DIPK1B: variants seen among roughly 807,000 people sequenced by gnomAD.
DIPK1B encodes divergent protein kinase domain 1B.
In DIPK1B, 17 loss-of-function variants were observed where a neutral mutation model predicts 20.7. The ratio of observed to expected loss-of-function variants is 0.82; its 90% CI spans 0.56 to 1.23. The LOEUF (loss-of-function observed/expected upper bound fraction) is 1.23, where lower values mean the gene tolerates loss of function less well. DIPK1B is among the 50% of genes most tolerant of loss of function. The pLI, the probability that DIPK1B is intolerant of heterozygous loss-of-function variation, is 0.00. For missense variants in DIPK1B, 648 were observed against 601.8 expected, an observed-to-expected ratio of 1.08 and a Z score of -0.80; for synonymous variants, 343 against 276.5, an observed-to-expected ratio of 1.24 and a Z score of -2.39.
In DIPK1B at chr9:136,722,236, T is replaced by C; in HGVS notation, c.418T>C (p.Phe140Leu). ...GGCCCCCCGGCGGGAGCTGGTACTG[T>C]TTGACAAGCCCACCCGGGGCACCTC... ...DAAPRRELVL[F>L]DKPTRGTSIK... is the part of the protein sequence containing the mutation. Residue 140 changes from phenylalanine (F) to leucine (L), a missense_variant, in exon 4 of 5, where the codon TTT becomes CTT. Physicochemically the swap from Phe to Leu is conservative, Grantham distance 22 (BLOSUM62 0). Coordinates refer to ENST00000371692, the MANE Select transcript of DIPK1B (RefSeq NM_152421.4). 1 of 1,613,866 alleles carries C rather than the reference T, an allele frequency of 6.2e-7. No individual in the cohort carries two copies. The highest frequency in any genetic ancestry group is 8.5e-7 in the Non-Finnish European group (1 of 1,179,966).
Position 136,722,249 on chromosome 9 carries a change from C to G in DIPK1B, c.431C>G (p.Thr144Ser). Residue 144 changes from threonine to serine, a missense_variant, in exon 4 of 5, where the codon ACC (threonine) becomes AGC (serine). By Grantham distance (58) the Thr-to-Ser change is moderately conservative. Coordinates refer to ENST00000371692, the MANE Select transcript of DIPK1B (RefSeq NM_152421.4). Reference sequence around the variant, plus strand: ...GAGCTGGTACTGTTTGACAAGCCCACCCGGGGCACCTCCATCAAGGAATTC... The same window carrying G: ...GAGCTGGTACTGTTTGACAAGCCCAGCCGGGGCACCTCCATCAAGGAATTC... ...RRELVLFDKP[T>S]RGTSIKEFRE... 2 of 1,613,922 alleles carry G rather than the reference C, an allele frequency of 1.2e-6. No individual in the cohort carries two copies. Among genetic ancestry groups the G allele is most frequent in the Non-Finnish European group, 1.7e-6 (2 of 1,179,990 alleles).
rs759130886 is a variant in DIPK1B, at chr9:136,712,715, C to T, written c.50C>T (p.Ser17Phe). 5 of 1,365,616 alleles carry T rather than the reference C, an allele frequency of 3.7e-6. No homozygotes were observed. Among genetic ancestry groups the T allele is most frequent in the Non-Finnish European group, 2.8e-6 (3 of 1,061,252 alleles). The allele number at this position is 1,365,616 out of a possible 1,614,324, so 84.6% of individuals were successfully genotyped here. A position where few individuals can be genotyped will look rare whatever the true frequency, so the allele number is the denominator to read the frequency against. Residue 17 changes from serine (S) to phenylalanine (F), a missense_variant, in exon 1 of 5, where the codon TCC becomes TTC. Physicochemically the swap from Ser to Phe is radical, Grantham distance 155. Coordinates refer to ENST00000371692, the MANE Select transcript of DIPK1B (RefSeq NM_152421.4). This position sits in a 1 kb window ranked among gnomAD's most constrained non-coding sequence, Gnocchi z 5.6. The stretch of plus-strand genomic sequence containing the variant: ...CACCTGGTGCTCTTCTGCCCCTTCT[C>T]CAAGCGCCTGCAGGTAAGCGCGGTG... ...LAHLVLFCPF[S>F]KRLQGRLPGL...
intron 2 of DIPK1B, chr9:136,721,706 A>G: frequency 1.8e-6 from 1 of 568,700 alleles, no homozygotes; most frequent in Middle Eastern, 4.8e-4. Context: ...ACGGGACCGG[A>G]CCGGAGGGTT....
In DIPK1B at chr9:136,723,520, G is replaced by T; in HGVS notation, c.1042G>T (p.Ala348Ser). The T allele has an allele frequency of 6.2e-7, 1 of 1,601,070 alleles. No homozygotes were observed. The highest frequency in any genetic ancestry group is 1.3e-5 in the African/African-American group (1 of 74,848). ...CTGCACCTACGGGCGCGACTGCAGG[G>T]CCCCGTGTGACAGGCTCATGAGGCA... ...TDCTYGRDCR[A>S]PCDRLMRQCK... The change falls in exon 5 of 5, where the codon GCC becomes TCC. Residue 348 changes from alanine to serine, a missense_variant. Transcript: ENST00000371692.
rs1846658116 is a variant in DIPK1B at position 136,723,683 on chromosome 9, T to C, written c.1205T>C (p.Leu402Pro). 1 of 1,543,446 alleles carries C rather than the reference T, an allele frequency of 6.5e-7. No homozygotes were observed. The highest frequency in any genetic ancestry group is 1.4e-5 in the African/African-American group (1 of 73,162). The change falls in exon 5 of 5, where the codon CTG becomes CCG. Residue 402 changes from leucine (L) to proline (P), a missense_variant. Physicochemically the swap from Leu to Pro is moderately conservative, Grantham distance 98. Transcript: ENST00000371692. ...CGCACCTGTACCACGCTGAGCGGGCTGGCCAGCCAGGTGGAGGCCCATCAC... is the reference window on the plus strand; with the variant it reads ...CGCACCTGTACCACGCTGAGCGGGCCGGCCAGCCAGGTGGAGGCCCATCAC... ...QLRTCTTLSG[L>P]ASQVEAHHSL...
intron 2 of DIPK1B, chr9:136,721,477 C>T (rs984646193): frequency 5.5e-4 from 101 of 182,366 alleles, no homozygotes; most frequent in African/African-American, 2.3e-3. Flanking sequence ...AGAGAGCGCG[C>T]GTGTGGCAGC....
At chr9:136,717,450 G>T in intron 1 of DIPK1B, 127 bp from the exon 2 acceptor site, 1 of 1,112,412 alleles carries the variant, frequency 9.0e-7, no homozygotes, top group East Asian at 2.6e-5. Flanking sequence ...GGGTGCCAGG[G>T]GGCCAAGGGG....
At chr9:136,719,674 T>G (rs1256299685) in intron 2 of DIPK1B, among the ~76,000 whole-genome samples, 1 of 152,162 alleles carries the variant, frequency 6.6e-6, no homozygotes, top group Non-Finnish European at 1.5e-5. Flanking sequence ...CTCTCCACAC[T>G]CTGCTAGGTG....
rs1192302416 is a variant in DIPK1B at position 136,722,109 on chromosome 9, C to G, written c.307-16C>G. The G allele has an allele frequency of 4.3e-6, 7 of 1,613,684 alleles. No individual in the cohort carries two copies. The highest frequency in any genetic ancestry group is 5.9e-6 in the Non-Finnish European group (7 of 1,179,930). On this transcript the variant is annotated splice_polypyrimidine_tract_variant and intron_variant, in intron 3 of 4. Coordinates refer to ENST00000371692, the MANE Select transcript of DIPK1B (RefSeq NM_152421.4). ...AGGGGGATGTCTGCACGGAGGACCT[C>G]TGTGGCCCTGTCCAGGTGTACAGCG...
intron 1 of DIPK1B, among the ~76,000 whole-genome samples, chr9:136,715,392 C>T (rs1182435335): frequency 6.6e-6 from 1 of 152,204 alleles, no homozygotes; most frequent in Non-Finnish European, 1.5e-5. Flanking sequence ...TGAGCCTCCT[C>T]AGGCCGGTAG....
chr9:136,721,738 G>A (rs942813627), intron 2 of DIPK1B, 183 bp from the exon 3 acceptor site: 11 of 603,198 alleles, frequency 1.8e-5, no homozygotes, highest in East Asian at 5.6e-5. Flanking sequence ...CCCTGCAGCC[G>A]ACAGCCCCAT....
Position 136,724,680 on chromosome 9 carries a change from C to A in DIPK1B, c.*906C>A, listed in dbSNP as rs189792510. 9.2e-5 allele frequency: 14 copies of A among 152,380 alleles called. No homozygotes were observed. The East Asian group carries it at 2.7e-3, about 29-fold the overall frequency. The allele number at this position is 152,380 out of a possible 1,614,324, so 9.4% of individuals were successfully genotyped here. A position where few individuals can be genotyped will look rare whatever the true frequency, so the allele number is the denominator to read the frequency against. On this transcript the variant is annotated 3_prime_UTR_variant, in exon 5 of 5. Coordinates refer to ENST00000371692, the MANE Select transcript of DIPK1B (RefSeq NM_152421.4). ...ATGTGCATTTAAATCTTTTAATTCA[C>A]TTCATCCTGTATTTTAAAATAAATG...
At chr9:136,721,730 CTGCA>C in intron 2 of DIPK1B, 187 bp from the exon 3 acceptor site, 1 of 594,166 alleles carries the variant, frequency 1.7e-6, no homozygotes, top group Non-Finnish European at 3.0e-6. Context: ...GGGGCTGCCC[CTGCA>C]GCCGACAGCC....
At chr9:136,722,503 C>T (rs528815192) in intron 4 of DIPK1B, 547 of 660,678 alleles carry the variant, frequency 8.3e-4, no homozygotes, top group Middle Eastern at 1.7e-3. Flanking sequence ...GGGTTGGGGG[C>T]GCCGGTGGGC....
At chr9:136,720,476 C>CA (rs143975424) in intron 2 of DIPK1B, among the ~76,000 whole-genome samples, 2,380 of 152,246 alleles carry the variant, frequency 0.016, 53 homozygotes, top group African/African-American at 0.054. Flanking sequence ...ATTCTCCCCC[C>CA]CCCAGAGGGG....
At chr9:136,714,815 C>CT (rs1036696376) in intron 1 of DIPK1B, among the ~76,000 whole-genome samples, 2 of 152,096 alleles carry the variant, frequency 1.3e-5, no homozygotes, top group African/African-American at 4.8e-5. Context: ...TCCCCAGCTG[C>CT]TGGGGGTCCT....
In DIPK1B at chr9:136,720,469, C is replaced by G. The variant is rs544398562; in HGVS notation, c.199-1452C>G. 4.8e-3 allele frequency among the ~76,000 whole-genome samples: 732 copies of G among 151,236 alleles called. 3 individuals carry two copies. Among genetic ancestry groups the G allele is most frequent in the African/African-American group, 0.017 (695 of 40,548 alleles). On this transcript the variant is annotated intron_variant, in intron 2 of 4. Coordinates refer to ENST00000371692, the MANE Select transcript of DIPK1B (RefSeq NM_152421.4). ...AACTGAGGCTGTACATCCAGGAATTCTCCCCCCCCCAGAGGGGCGGGCCAG... is the reference window on the plus strand; with the variant it reads ...AACTGAGGCTGTACATCCAGGAATTGTCCCCCCCCCAGAGGGGCGGGCCAG...
At position 136,722,103 on chromosome 9, in the gene DIPK1B, G is replaced by A. The variant is rs200241003; in HGVS notation, c.307-22G>A. On this transcript the variant is annotated intron_variant, in intron 3 of 4. Transcript: ENST00000371692. The stretch of plus-strand genomic sequence containing the variant: ...AGTGGGAGGGGGATGTCTGCACGGA[G>A]GACCTCTGTGGCCCTGTCCAGGTGT... The A allele has an allele frequency of 1.2e-4, 186 of 1,613,746 alleles. 1 individual carries two copies. The African/African-American group carries it at 2.3e-3, about 20-fold the overall frequency.
At chr9:136,717,020 G>A (rs1295324691) in intron 1 of DIPK1B, among the ~76,000 whole-genome samples, 3 of 151,994 alleles carry the variant, frequency 2.0e-5, no homozygotes, top group East Asian at 3.9e-4. Flanking sequence ...CCTGAGGTCC[G>A]GAGTTCAAGA....
Sources: allele counts gnomAD v4.1 joint callset (sites outside exome capture counted in the v4.1 genomes callset), GRCh38; gene constraint gnomAD v4.1.1; non-coding constraint Gnocchi (gnomAD v3.1); transcripts MANE v1.5; gene names NCBI Gene and HGNC (gene_info 2026-07-23, HGNC 2026-07-21).